PDXK: variants seen among roughly 807,000 people sequenced by gnomAD.
PDXK encodes the protein pyridoxal kinase.
A neutral mutation model predicts 43.2 loss-of-function variants in PDXK; 15 were observed. That is an observed-to-expected ratio of 0.35 (90% CI 0.23 to 0.53). PDXK has a LOEUF of 0.53. Among genes scored for constraint, PDXK ranks in the 20% least tolerant of loss-of-function variants. The pLI, the probability that PDXK is intolerant of heterozygous loss-of-function variation, is 0.92. For missense variants in PDXK, 343 were observed against 417.0 expected (o/e 0.82, Z 1.54); for synonymous variants, 172 against 165.4 (o/e 1.04, Z -0.31).
chr21:43,738,979 G>A (rs2083449637), intron 2 of PDXK: 1 of 150,168 alleles, frequency 6.7e-6, no homozygotes, highest in Non-Finnish European at 1.5e-5. Flanking sequence ...TGTTGCCCAG[G>A]CTGGAGTGCA....
In PDXK at chr21:43,760,454, G is replaced by C. The variant is rs1431541306; in HGVS notation, c.*4391G>C. 2 of 152,484 alleles carry C rather than the reference G, an allele frequency of 1.3e-5. No homozygotes were observed. Among genetic ancestry groups the C allele is most frequent in the Non-Finnish European group, 2.9e-5 (2 of 68,130 alleles). 9.4% of individuals were successfully genotyped at this position (152,484 alleles called of 1,614,324 possible). A position where few individuals can be genotyped will look rare whatever the true frequency, so the allele number is the denominator to read the frequency against. ...GGCCTCCCAGAGTGCTGGGATTACAGGCATGAGCCAGTGCACCCGGCGGAA... is the reference window on the plus strand; with the variant it reads ...GGCCTCCCAGAGTGCTGGGATTACACGCATGAGCCAGTGCACCCGGCGGAA... On this transcript the variant is annotated 3_prime_UTR_variant, in exon 11 of 11. Transcript: ENST00000291565.
intron 9 of PDXK, 102 bp downstream of exon 9, chr21:43,753,821 G>A (rs1455594171): frequency 6.6e-6 from 9 of 1,357,034 alleles, no homozygotes; most frequent in South Asian, 4.4e-5. Context: ...AGCTGACAGG[G>A]CATGGCCCTG....
chr21:43,746,710 C>T (rs183647125), intron 5 of PDXK, among the ~76,000 whole-genome samples: 4 of 152,314 alleles, frequency 2.6e-5, no homozygotes, highest in Non-Finnish European at 5.9e-5. Context: ...TGAGCCACCA[C>T]GCCCAGCCAT....
intron 1 of PDXK, among the ~76,000 whole-genome samples, chr21:43,728,210 G>C (rs1341948822): frequency 2.0e-5 from 3 of 152,182 alleles, no homozygotes; most frequent in African/African-American, 7.2e-5. Flanking sequence ...GGAGTTTGTA[G>C]GACAAAGGAC....
chr21:43,732,286 T>A lies in PDXK; in HGVS notation c.88-1783T>A. On this transcript the variant is annotated intron_variant, in intron 1 of 10. Transcript: ENST00000291565. This position sits in a 1 kb window ranked among gnomAD's most constrained non-coding sequence, Gnocchi z 4.1. ...TGTAACAGCAGGAGATACCTTTCTC[T>A]GGGGTCCCAGGCTCCCGTCCTGGAC... 6.4e-7 allele frequency: 1 copy of A among 1,562,660 alleles called. No homozygotes were observed. Among genetic ancestry groups the A allele is most frequent in the Non-Finnish European group, 8.7e-7 (1 of 1,155,994 alleles).
Position 43,737,301 on chromosome 21 carries a change from T to A in PDXK, c.142+3178T>A. 7.2e-7 allele frequency: 1 copy of A among 1,393,360 alleles called. No homozygotes were observed. The highest frequency in any genetic ancestry group is 2.7e-5 in the East Asian group (1 of 36,412). 86.3% of individuals were successfully genotyped at this position (1,393,360 alleles called of 1,614,324 possible). Reference sequence around the variant, plus strand: ...GGCGCAGGCCTCGCCGCCTCGAGGCTGCTGCTCGCACTTCTGCCCCTTCCC... The same window carrying A: ...GGCGCAGGCCTCGCCGCCTCGAGGCAGCTGCTCGCACTTCTGCCCCTTCCC... On this transcript the variant is annotated intron_variant, in intron 2 of 10. Coordinates refer to ENST00000291565, the MANE Select transcript of PDXK (RefSeq NM_003681.5). The surrounding 1 kb of genome is among the most constrained non-coding windows in gnomAD (Gnocchi z 4.8).
Position 43,741,721 on chromosome 21 carries a change from A to G in PDXK, c.197A>G (p.Tyr66Cys). 1 of 1,613,246 alleles carries G rather than the reference A, an allele frequency of 6.2e-7. No homozygotes were observed. The change falls in exon 3 of 11, where the codon TAC becomes TGC. Residue 66 changes from tyrosine (Y) to cysteine (C), a missense_variant. Tyr to Cys is a radical substitution (Grantham distance 194). Transcript: ENST00000291565. ...VLNSDELQEL[Y>C]EGLRLNNMNK... ...AATTCAGATGAGCTCCAGGAGTTGT[A>G]CGAAGGCCTGAGGCTGAACAACATG...
At chr21:43,750,944 G>GT (rs1385192565) in intron 7 of PDXK, among the ~76,000 whole-genome samples, 2 of 137,884 alleles carry the variant, frequency 1.5e-5, no homozygotes, top group Non-Finnish European at 3.1e-5. Context: ...GTGTGCACGT[G>GT]TTTGCACATG....
intron 1 of PDXK, among the ~76,000 whole-genome samples, chr21:43,727,624 G>C (rs921933383): frequency 1.3e-5 from 2 of 152,202 alleles, no homozygotes; most frequent in African/African-American, 4.8e-5. Context: ...AGGAAGCTGT[G>C]CAGTGCACAC....
At position 43,740,175 on chromosome 21, in the gene PDXK, A is replaced by T. The variant is rs377421864; in HGVS notation, c.143-1492A>T. Among the ~76,000 whole-genome samples, 8 of 152,188 alleles carry T rather than the reference A, an allele frequency of 5.3e-5. No individual in the cohort carries two copies. In the East Asian group the frequency reaches 9.6e-4, roughly 18 times the overall value. ...TGCCTGGAGCGTGGCTCCTGATGGC[A>T]GTCTCAGGACCTTTGCGCCACACGT... On this transcript the variant is annotated intron_variant, in intron 2 of 10. Transcript: ENST00000291565.
At chr21:43,724,265 C>A (rs556738658) in intron 1 of PDXK, among the ~76,000 whole-genome samples, 2 of 152,300 alleles carry the variant, frequency 1.3e-5, no homozygotes, top group Non-Finnish European at 2.9e-5. Context: ...CAGGAAGAGG[C>A]AGGGGGCTCC....
Position 43,743,812 on chromosome 21 carries a change from G to T in PDXK, c.331+5G>T. ...AGAACCCCAGGCTGGTGTACGGTAG[G>T]CAGGGGCCCACCCTCGGGTCTGGCT... On this transcript the variant is annotated splice_donor_5th_base_variant and intron_variant, in intron 4 of 10. Coordinates refer to ENST00000291565, the MANE Select transcript of PDXK (RefSeq NM_003681.5). The T allele has an allele frequency of 6.2e-7, 1 of 1,607,258 alleles. No individual in the cohort carries two copies. Among genetic ancestry groups the T allele is most frequent in the Non-Finnish European group, 8.5e-7 (1 of 1,174,298 alleles).
At chr21:43,751,981 C>T (rs1028238481) in intron 7 of PDXK, among the ~76,000 whole-genome samples, 85 of 152,204 alleles carry the variant, frequency 5.6e-4, no homozygotes, top group African/African-American at 2.0e-3. Context: ...GCAGCAGCCA[C>T]TCCTCCCACT....
In PDXK at chr21:43,737,843, C is replaced by G; in HGVS notation, c.142+3720C>G. 1.0e-6 allele frequency: 1 copy of G among 985,478 alleles called. No homozygotes were observed. The highest frequency in any genetic ancestry group is 1.2e-6 in the Non-Finnish European group (1 of 829,938). The allele number at this position is 985,478 out of a possible 1,614,324, so 61.0% of individuals were successfully genotyped here. Reference sequence around the variant, plus strand: ...CGCTTGTTTGCCTGTGCTTTTTCATCTGTAAATGGAATGAGTTGGACACAA... The same window carrying G: ...CGCTTGTTTGCCTGTGCTTTTTCATGTGTAAATGGAATGAGTTGGACACAA... On this transcript the variant is annotated intron_variant, in intron 2 of 10. Coordinates refer to ENST00000291565, the MANE Select transcript of PDXK (RefSeq NM_003681.5). The surrounding 1 kb of genome is among the most constrained non-coding windows in gnomAD (Gnocchi z 4.8).
intron 2 of PDXK, among the ~76,000 whole-genome samples, chr21:43,739,671 A>G (rs1300760348): frequency 6.6e-6 from 1 of 151,726 alleles, no homozygotes; most frequent in Non-Finnish European, 1.5e-5. Flanking sequence ...AACCACCCCC[A>G]TGATTGAATG....
At chr21:43,725,397 CTTCT>C (rs1234140828) in intron 1 of PDXK, among the ~76,000 whole-genome samples, 2 of 152,274 alleles carry the variant, frequency 1.3e-5, no homozygotes, top group South Asian at 2.1e-4. Flanking sequence ...TAGAAAGAGT[CTTCT>C]TTGCCTTCAG....
intron 3 of PDXK, among the ~76,000 whole-genome samples, chr21:43,742,035 G>C (rs2083543695): frequency 6.6e-6 from 1 of 152,160 alleles, no homozygotes; most frequent in African/African-American, 2.4e-5. Context: ...GTGCCCAGGG[G>C]AGGGTGCAGG....
At position 43,756,795 on chromosome 21, in the gene PDXK, T is replaced by C. The variant is rs930427571; in HGVS notation, c.*732T>C. 11 of 152,114 alleles carry C rather than the reference T, an allele frequency of 7.2e-5. No individual in the cohort carries two copies. The highest frequency in any genetic ancestry group is 2.7e-4 in the African/African-American group (11 of 41,390). The allele number at this position is 152,114 out of a possible 1,614,324, so 9.4% of individuals were successfully genotyped here. Reference sequence around the variant, plus strand: ...CGGCATCTTCCAGGAATCCGCCGAGTGACTTGAGGAAGATGCTAACGCAGT... The same window carrying C: ...CGGCATCTTCCAGGAATCCGCCGAGCGACTTGAGGAAGATGCTAACGCAGT... On this transcript the variant is annotated 3_prime_UTR_variant, in exon 11 of 11. Coordinates refer to ENST00000291565, the MANE Select transcript of PDXK (RefSeq NM_003681.5).
intron 1 of PDXK, among the ~76,000 whole-genome samples, chr21:43,720,218 G>A (rs963352743): frequency 6.6e-5 from 10 of 152,186 alleles, no homozygotes; most frequent in African/African-American, 2.4e-4. Context: ...TCCTGGCCTT[G>A]TCGAGTCAGC....
Sources: allele counts gnomAD v4.1 joint callset (sites outside exome capture counted in the v4.1 genomes callset), GRCh38; gene constraint gnomAD v4.1.1; non-coding constraint Gnocchi (gnomAD v3.1); transcripts MANE v1.5; gene names NCBI Gene and HGNC (gene_info 2026-07-23, HGNC 2026-07-21).